The following MYPN variants were observed in gnomAD, a reference collection of about 807,000 sequenced individuals.
MYPN encodes sarcomeric protein myopalladin, 145 kDa (MYOP).
In MYPN, 63 loss-of-function variants were observed where a neutral mutation model predicts 129.4. That is an observed-to-expected ratio of 0.49 (90% CI 0.40 to 0.60). The LOEUF (loss-of-function observed/expected upper bound fraction) is 0.60. Among genes scored for constraint, MYPN ranks in the 20% least tolerant of loss-of-function variants. The pLI is 0.00. For missense variants in MYPN, 1,596 were observed against 1,635.4 expected (o/e 0.98, Z 0.42); for synonymous variants, 629 against 600.9 (o/e 1.05, Z -0.68).
At chr10:68,153,916 A>G (rs1873109) in intron 6 of MYPN, among the ~76,000 whole-genome samples, 19,342 of 150,120 alleles carry the variant, frequency 0.13, 1,635 homozygotes, top group Middle Eastern at 0.22. Flanking sequence ...TCGTGGCAAG[A>G]AGCCAGTTTT....
chr10:68,150,209 G>C, intron 6 of MYPN, 98 bp downstream of exon 6: 1 of 1,124,726 alleles, frequency 8.9e-7, no homozygotes, highest in Non-Finnish European at 1.3e-6. Context: ...CTCAGGATTT[G>C]GTCTTCTGTA....
intron 12 of MYPN, among the ~76,000 whole-genome samples, chr10:68,177,460 GC>G (rs1564683092): frequency 6.6e-6 from 1 of 152,222 alleles, no homozygotes; most frequent in Non-Finnish European, 1.5e-5. Context: ...GAAACTGGGA[GC>G]TGTCTGAGAT....
At chr10:68,137,937 A>G (rs1400306143) in intron 2 of MYPN, among the ~76,000 whole-genome samples, 2 of 152,192 alleles carry the variant, frequency 1.3e-5, no homozygotes, top group African/African-American at 4.8e-5. Flanking sequence ...GTGTTCTTCC[A>G]TATGCAACAG....
At chr10:68,171,454 T>C (rs2817752) in intron 10 of MYPN, among the ~76,000 whole-genome samples, 108,629 of 152,062 alleles carry the variant, frequency 0.71, 39,401 homozygotes, top group Non-Finnish European at 0.75. Context: ...GGCCCCACCC[T>C]ACACCTGCCG....
chr10:68,093,378 C>T lies in MYPN; in HGVS notation c.-2+5386C>T, dbSNP rs560975091. Among the ~76,000 whole-genome samples, 26 of 152,048 alleles carry T rather than the reference C, an allele frequency of 1.7e-4. No individual in the cohort carries two copies. The East Asian group carries it at 3.9e-3, about 23-fold the overall frequency. On this transcript the variant is annotated intron_variant, in intron 1 of 6. Coordinates refer to the MYPN transcript ENST00000685154. Reference sequence around the variant, plus strand: ...GGTCTCGATCCAGACCCCAAGACAGCGTTCTTGGATCAAGAAAGAATTCAG... The same window carrying T: ...GGTCTCGATCCAGACCCCAAGACAGTGTTCTTGGATCAAGAAAGAATTCAG...
intron 12 of MYPN, among the ~76,000 whole-genome samples, chr10:68,176,578 G>A (rs1055768716): frequency 6.6e-6 from 1 of 152,134 alleles, no homozygotes; most frequent in Admixed American, 6.5e-5. Context: ...TATATATTGA[G>A]CAACTTATAC....
At chr10:68,115,062 C>A (rs1354307959) in intron 1 of MYPN, among the ~76,000 whole-genome samples, 1 of 151,734 alleles carries the variant, frequency 6.6e-6, no homozygotes, top group Non-Finnish European at 1.5e-5. Context: ...AGTTTGAAAC[C>A]AGCCTGGATA....
chr10:68,160,808 G>A (rs762622089), intron 7 of MYPN, among the ~76,000 whole-genome samples: 12 of 151,942 alleles, frequency 7.9e-5, no homozygotes, highest in African/African-American at 1.9e-4. Flanking sequence ...TCCCAGCTAC[G>A]CAGGAGCCTG....
chr10:68,185,228 AGAAAG>A (rs201206002), intron 12 of MYPN, among the ~76,000 whole-genome samples: 20,833 of 150,582 alleles, frequency 0.14, 1,904 homozygotes, highest in Middle Eastern at 0.24. Context: ...TGAAAAGAAA[AGAAAG>A]GAAAGGAAAG....
intron 1 of MYPN, among the ~76,000 whole-genome samples, chr10:68,096,519 G>A (rs1172552928): frequency 1.3e-5 from 2 of 152,180 alleles, no homozygotes; most frequent in East Asian, 3.8e-4. Flanking sequence ...CTGAGATTGT[G>A]CCACTGCCCT....
intron 13 of MYPN, among the ~76,000 whole-genome samples, chr10:68,191,519 G>GT (rs1176577963): frequency 4.6e-5 from 7 of 152,110 alleles, no homozygotes; most frequent in Non-Finnish European, 1.0e-4. Context: ...CACCCAGCCT[G>GT]TTTTTTCTAT....
rs58765234 is a variant in MYPN at position 68,111,444 on chromosome 10, GGT to G, written c.-2+1724_-2+1725del. Among the ~76,000 whole-genome samples the G allele has an allele frequency of 0.016, 2,455 of 152,072 alleles. 179 individuals carry two copies. The East Asian group carries it at 0.2, about 12-fold the overall frequency. ...TTGACAAAGATGTTGCTGGTCTCAT[GGT>G]GTTAGATAACAAGATAGAAAAATGA... On this transcript the variant is annotated intron_variant, in intron 1 of 19. Transcript: ENST00000358913.
chr10:68,153,820 G>A (rs2042819747), intron 6 of MYPN, among the ~76,000 whole-genome samples: 1 of 152,126 alleles, frequency 6.6e-6, no homozygotes, highest in African/African-American at 2.4e-5. Flanking sequence ...GCTTCTTCCT[G>A]CCCTATTTAC....
intron 12 of MYPN, among the ~76,000 whole-genome samples, chr10:68,176,537 G>T (rs1031216416): frequency 6.6e-6 from 1 of 152,160 alleles, no homozygotes; most frequent in African/African-American, 2.4e-5. Flanking sequence ...TTCCAGTGGA[G>T]CCATGGATAT....
chr10:68,120,331 A>T (rs1480883128), intron 1 of MYPN, among the ~76,000 whole-genome samples: 2 of 152,204 alleles, frequency 1.3e-5, no homozygotes, highest in Non-Finnish European at 2.9e-5. Flanking sequence ...CTTTCTTAAG[A>T]CTTTAAAAAT....
intron 13 of MYPN, among the ~76,000 whole-genome samples, chr10:68,192,662 AC>A (rs2043534260): frequency 6.6e-6 from 1 of 151,852 alleles, no homozygotes; most frequent in Non-Finnish European, 1.5e-5. Context: ...TGGATGGGAG[AC>A]TTTTTCGTTA....
chr10:68,148,550 C>A, intron 5 of MYPN, 83 bp downstream of exon 5: 3 of 1,136,694 alleles, frequency 2.6e-6, no homozygotes, highest in South Asian at 1.2e-5. Context: ...ATGGCATGAT[C>A]GTGTTTTTCT....
intron 6 of MYPN, among the ~76,000 whole-genome samples, chr10:68,152,452 A>G (rs1031516903): frequency 6.6e-6 from 1 of 152,044 alleles, no homozygotes; most frequent in African/African-American, 2.4e-5. Context: ...TGGTTGACAC[A>G]TGTCACCCAG....
At position 68,174,629 on chromosome 10, in the gene MYPN, T is replaced by C. The variant is rs1261517918; in HGVS notation, c.2537T>C (p.Met846Thr). The C allele has an allele frequency of 1.2e-6, 2 of 1,614,126 alleles. No homozygotes were observed. Among genetic ancestry groups the C allele is most frequent in the Non-Finnish European group, 8.5e-7 (1 of 1,180,008 alleles). The change falls in exon 11 of 20, where the codon ATG becomes ACG. Residue 846 changes from methionine (M) to threonine (T), a missense_variant. Physicochemically the swap from Met to Thr is moderately conservative, Grantham distance 81. Transcript: ENST00000358913. ...SLPAIPPTNA[M>T]GLPRSAPSMP... ...CCTGCCATCCCACCCACAAATGCCA[T>C]GGGGCTGCCTAGAAGTGCACCATCC... is the stretch of plus-strand genomic sequence containing the variant.
Sources: gnomAD v4.1 joint callset for allele counts (sites outside exome capture counted in the v4.1 genomes callset) on GRCh38, gnomAD v4.1.1 for gene constraint, MANE v1.5 for transcripts, NCBI Gene and HGNC (gene_info 2026-07-23, HGNC 2026-07-21) for gene names.